The following COMMD1 variants were observed in gnomAD, a reference collection of about 807,000 sequenced individuals.
COMMD1 encodes COMM domain-containing protein 1.
In COMMD1, 10 loss-of-function variants were observed where a neutral mutation model predicts 17.2. The ratio of observed to expected loss-of-function variants is 0.58; its 90% CI spans 0.36 to 0.99. The LOEUF is 0.99. Ranked by LOEUF, COMMD1 falls within the 50% of genes least tolerant of loss-of-function variation. The pLI, the probability that COMMD1 is intolerant of heterozygous loss-of-function variation, is 0.01. For synonymous variants in COMMD1, 97 were observed against 91.6 expected, an observed-to-expected ratio of 1.06 and a Z score of -0.34; for missense variants, 270 against 231.8, an observed-to-expected ratio of 1.17 and a Z score of -1.07.
At chr2:62,037,037 T>C (rs183059620) in intron 2 of COMMD1, among the ~76,000 whole-genome samples, 4 of 152,354 alleles carry the variant, frequency 2.6e-5, no homozygotes, top group East Asian at 3.9e-4. Flanking sequence ...CACCTCTCCT[T>C]TTTCAGATGT....
intron 1 of COMMD1, among the ~76,000 whole-genome samples, chr2:61,954,540 C>T (rs187941109): frequency 9.2e-5 from 14 of 152,276 alleles, no homozygotes; most frequent in African/African-American, 2.9e-4. Context: ...GGAAGTTAAT[C>T]TATAATGAAG....
At chr2:62,075,056 A>C (rs896615429) in intron 2 of COMMD1, among the ~76,000 whole-genome samples, 5 of 151,552 alleles carry the variant, frequency 3.3e-5, no homozygotes, top group Non-Finnish European at 7.4e-5. Flanking sequence ...CACCCAGCTA[A>C]TTTTGTATTT....
chr2:62,041,573 T>G (rs1272761729), intron 2 of COMMD1, among the ~76,000 whole-genome samples: 4 of 152,146 alleles, frequency 2.6e-5, no homozygotes, highest in East Asian at 1.9e-4. Flanking sequence ...GTGTTTTGTG[T>G]GGAGATGAGG....
chr2:61,942,792 C>T (rs777533237), intron 1 of COMMD1, among the ~76,000 whole-genome samples: 93 of 152,220 alleles, frequency 6.1e-4, no homozygotes, highest in Non-Finnish European at 9.3e-4. Context: ...CCCGCCTCAG[C>T]CTCCCAAAGT....
chr2:62,038,539 C>CATTT (rs200206799), intron 2 of COMMD1, among the ~76,000 whole-genome samples: 2,531 of 150,804 alleles, frequency 0.017, 22 homozygotes, highest in Middle Eastern at 0.045. Flanking sequence ...TATTTTTTAT[C>CATTT]ATTTATTTAT....
At chr2:61,896,939 C>T (rs191675340) in intron 1 of COMMD1, among the ~76,000 whole-genome samples, 408 of 151,354 alleles carry the variant, frequency 2.7e-3, no homozygotes, top group African/African-American at 9.3e-3. Context: ...AAGTGATTCT[C>T]ATGGTTCAGC....
chr2:62,020,067 C>T (rs1379010912), intron 2 of COMMD1, among the ~76,000 whole-genome samples: 2 of 152,166 alleles, frequency 1.3e-5, no homozygotes, highest in East Asian at 1.9e-4. Context: ...AAATTAGGTC[C>T]AGTTTTGGAT....
At chr2:62,063,622 G>C (rs1027279837) in intron 2 of COMMD1, among the ~76,000 whole-genome samples, 2 of 151,528 alleles carry the variant, frequency 1.3e-5, no homozygotes, top group East Asian at 1.9e-4. Flanking sequence ...ATTACTTTTC[G>C]GTAAAAAATT....
intron 1 of COMMD1, among the ~76,000 whole-genome samples, chr2:61,954,954 C>T (rs576238352): frequency 6.6e-6 from 1 of 152,112 alleles, no homozygotes; most frequent in Non-Finnish European, 1.5e-5. Flanking sequence ...GGATTACAGG[C>T]GTGAGCCACC....
chr2:61,918,961 T>C (rs1050415461), intron 1 of COMMD1, among the ~76,000 whole-genome samples: 1 of 152,190 alleles, frequency 6.6e-6, no homozygotes, highest in Non-Finnish European at 1.5e-5. Context: ...AAACAATAAT[T>C]TTAGAAATTT....
chr2:62,093,189 C>G (rs13004082), intron 2 of COMMD1, among the ~76,000 whole-genome samples: 13,472 of 152,212 alleles, frequency 0.089, 746 homozygotes, highest in Non-Finnish European at 0.12. Flanking sequence ...CAAACTAAGA[C>G]CAGCATGTAT....
intron 1 of COMMD1, chr2:61,928,568 T>A (rs1670385422): frequency 6.6e-6 from 1 of 152,216 alleles, no homozygotes. Context: ...GAATACAACC[T>A]TTATAGGACA....
At chr2:61,922,113 C>G (rs150050995) in intron 1 of COMMD1, among the ~76,000 whole-genome samples, 270 of 152,066 alleles carry the variant, frequency 1.8e-3, no homozygotes, top group African/African-American at 5.7e-3. Context: ...AGTAGGTCTT[C>G]GTTTTATAAT....
At chr2:61,899,689 T>G (rs1669619138) in intron 1 of COMMD1, among the ~76,000 whole-genome samples, 1 of 152,172 alleles carries the variant, frequency 6.6e-6, no homozygotes, top group African/African-American at 2.4e-5. Flanking sequence ...TTGTTTGTTT[T>G]TTTGAGGCAG....
At chr2:62,124,638 C>T (rs530934258) in intron 2 of COMMD1, among the ~76,000 whole-genome samples, 2 of 152,238 alleles carry the variant, frequency 1.3e-5, no homozygotes, top group East Asian at 1.9e-4. Flanking sequence ...CAACCTCCGC[C>T]TCCTGGGTTC....
intron 1 of COMMD1, among the ~76,000 whole-genome samples, chr2:61,966,170 CT>C (rs956925097): frequency 6.6e-6 from 1 of 151,976 alleles, no homozygotes; most frequent in Non-Finnish European, 1.5e-5. Flanking sequence ...ACTGTGTACT[CT>C]TTTTTTTCCC....
chr2:61,928,294 G>T (rs1296267408), intron 1 of COMMD1, among the ~76,000 whole-genome samples: 1 of 151,992 alleles, frequency 6.6e-6, no homozygotes, highest in African/African-American at 2.4e-5. Context: ...CTGAGTAACT[G>T]GGATTACAGG....
At chr2:61,975,118 C>CTTTCTTT (rs375361774) in intron 1 of COMMD1, among the ~76,000 whole-genome samples, 3 of 80,154 alleles carry the variant, frequency 3.7e-5, no homozygotes, top group Non-Finnish European at 7.1e-5. Flanking sequence ...TCATTTCTTT[C>CTTTCTTT]TTTTTTTTTT....
intron 2 of COMMD1, among the ~76,000 whole-genome samples, chr2:62,130,558 G>A (rs572807428): frequency 6.6e-6 from 1 of 152,282 alleles, no homozygotes; most frequent in South Asian, 2.1e-4. Flanking sequence ...TGCCAATGTT[G>A]TATTATAATC....
Sources: gnomAD v4.1 joint callset for allele counts (sites outside exome capture counted in the v4.1 genomes callset) on GRCh38, gnomAD v4.1.1 for gene constraint, MANE v1.5 for transcripts, NCBI Gene and HGNC (gene_info 2026-07-23, HGNC 2026-07-21) for gene names.